The following KCNMB2 variants were observed in gnomAD, a reference collection of about 807,000 sequenced individuals.
KCNMB2 encodes potassium calcium-activated channel subfamily M regulatory beta subunit 2.
In KCNMB2, 9 loss-of-function variants were observed where a neutral mutation model predicts 24.5. That is an observed-to-expected ratio of 0.37 (90% confidence interval 0.22 to 0.64). KCNMB2 has a LOEUF of 0.64. Among genes scored for constraint, KCNMB2 ranks in the 30% least tolerant of loss-of-function variants. KCNMB2 has a pLI of 0.63. For missense variants in KCNMB2, 226 were observed against 284.3 expected, an observed-to-expected ratio of 0.79 and a Z score of 1.47; for synonymous variants, 109 against 104.4, an observed-to-expected ratio of 1.04 and a Z score of -0.27.
chr3:178,664,168 C>G (rs964643631), intron 1 of KCNMB2, among the ~76,000 whole-genome samples: 3 of 152,092 alleles, frequency 2.0e-5, no homozygotes, highest in African/African-American at 7.2e-5. Flanking sequence ...TACACTGGGA[C>G]CTGCAGGAAC....
intron 1 of KCNMB2, among the ~76,000 whole-genome samples, chr3:178,554,869 C>G (rs903190778): frequency 6.6e-6 from 1 of 152,212 alleles, no homozygotes; most frequent in African/African-American, 2.4e-5. Flanking sequence ...TTTGTAAGGA[C>G]ATGGGTCTCT....
intron 1 of KCNMB2, among the ~76,000 whole-genome samples, chr3:178,687,219 T>TA (rs974194533): frequency 1.3e-5 from 2 of 152,008 alleles, no homozygotes; most frequent in East Asian, 1.9e-4. Flanking sequence ...CAGTGCCATT[T>TA]AAAAAAAAGC....
At chr3:178,616,473 G>A (rs187347203) in intron 1 of KCNMB2, among the ~76,000 whole-genome samples, 2 of 152,122 alleles carry the variant, frequency 1.3e-5, no homozygotes, top group Non-Finnish European at 1.5e-5. Flanking sequence ...TCAATGCCTC[G>A]AAATTGCTGT....
At chr3:178,640,706 T>A (rs9835499) in intron 1 of KCNMB2, among the ~76,000 whole-genome samples, 119,677 of 152,156 alleles carry the variant, frequency 0.79, 47,934 homozygotes, top group African/African-American at 0.95. Context: ...TTTAATAAAG[T>A]TCAACTTATT....
rs372874820 is a variant in KCNMB2 at position 178,566,594 on chromosome 3, G to A, written c.-68+29883G>A. 1.8e-3 allele frequency among the ~76,000 whole-genome samples: 44 copies of A among 24,056 alleles called. No homozygotes were observed. The African/African-American group carries it at 0.022, about 12-fold the overall frequency. 15.8% of individuals were successfully genotyped at this position (24,056 alleles called of 152,430 possible). ...CATCCTGTCTCCTTCAAGAAAACCA[G>A]TTTCTCTGTTTTTTGTTTTGAACCC... On this transcript the variant is annotated intron_variant, in intron 1 of 4. Transcript: ENST00000452583.
chr3:178,632,621 T>A (rs539560536), intron 1 of KCNMB2, among the ~76,000 whole-genome samples: 3 of 152,244 alleles, frequency 2.0e-5, no homozygotes, highest in African/African-American at 7.2e-5. Flanking sequence ...CCATGACACA[T>A]GGGGATTACG....
chr3:178,759,303 A>C (rs1435370337), intron 1 of KCNMB2, among the ~76,000 whole-genome samples: 2 of 109,902 alleles, frequency 1.8e-5, no homozygotes, highest in South Asian at 2.8e-4. Context: ...AGACATATAT[A>C]TATCTCCAAG....
intron 1 of KCNMB2, among the ~76,000 whole-genome samples, chr3:178,702,400 G>A (rs1722133035): frequency 6.6e-6 from 1 of 151,332 alleles, no homozygotes; most frequent in African/African-American, 2.4e-5. Flanking sequence ...CCTGCATTTT[G>A]TGCACATGTA....
intron 1 of KCNMB2, among the ~76,000 whole-genome samples, chr3:178,595,647 G>A (rs1356056083): frequency 6.6e-6 from 1 of 152,042 alleles, no homozygotes; most frequent in Non-Finnish European, 1.5e-5. Context: ...CTGCTGCCAT[G>A]TGAAAAAGGA....
At chr3:178,578,370 C>T (rs534360363) in intron 1 of KCNMB2, among the ~76,000 whole-genome samples, 4 of 152,206 alleles carry the variant, frequency 2.6e-5, no homozygotes, top group South Asian at 2.1e-4. Context: ...CAAGAATTCC[C>T]GAAGGATGCA....
Position 178,807,454 on chromosome 3 carries a change from T to A in KCNMB2, c.45T>A (p.His15Gln). The change falls in exon 2 of 5, where the codon CAT becomes CAA. Residue 15 changes from histidine to glutamine, a missense_variant. Physicochemically the swap from His to Gln is conservative, Grantham distance 24. Coordinates refer to ENST00000452583, the MANE Select transcript of KCNMB2 (RefSeq NM_181361.3). Reference sequence around the variant, plus strand: ...GCCGGACCTCTTCATCTTATAGACATGATGAAAAAAGGTAAATGCACTGGG... The same window carrying A: ...GCCGGACCTCTTCATCTTATAGACAAGATGAAAAAAGGTAAATGCACTGGG... Reference protein sequence around the residue: ...TSGRTSSSYRHDEKRNIYQKI... With the variant: ...TSGRTSSSYRQDEKRNIYQKI... 1.2e-6 allele frequency: 2 copies of A among 1,613,472 alleles called. No homozygotes were observed. Among genetic ancestry groups the A allele is most frequent in the East Asian group, 2.2e-5 (1 of 44,862 alleles).
At chr3:178,798,231 T>C (rs1713632105) in intron 1 of KCNMB2, among the ~76,000 whole-genome samples, 1 of 152,184 alleles carries the variant, frequency 6.6e-6, no homozygotes, top group Non-Finnish European at 1.5e-5. Flanking sequence ...AGGGGAAGGC[T>C]TCCAGCTTTT....
chr3:178,747,321 A>G (rs1233492508), intron 1 of KCNMB2, among the ~76,000 whole-genome samples: 1 of 152,204 alleles, frequency 6.6e-6, no homozygotes, highest in African/African-American at 2.4e-5. Context: ...CATGGGAAAG[A>G]CATGCACCCA....
At chr3:178,675,833 A>G (rs1035619513) in intron 1 of KCNMB2, among the ~76,000 whole-genome samples, 4 of 152,268 alleles carry the variant, frequency 2.6e-5, no homozygotes, top group Admixed American at 6.5e-5. Flanking sequence ...AGACAGAGAG[A>G]AACATGCTTC....
intron 1 of KCNMB2, among the ~76,000 whole-genome samples, chr3:178,704,329 A>G (rs1286221150): frequency 6.6e-6 from 1 of 152,126 alleles, no homozygotes; most frequent in African/African-American, 2.4e-5. Context: ...TATTCTGGGT[A>G]TCACCCCTGC....
chr3:178,609,908 G>A (rs1423378385), intron 1 of KCNMB2, among the ~76,000 whole-genome samples: 1 of 152,152 alleles, frequency 6.6e-6, no homozygotes, highest in Non-Finnish European at 1.5e-5. Flanking sequence ...AAAGTGCTGG[G>A]ATTACAGGTG....
intron 1 of KCNMB2, among the ~76,000 whole-genome samples, chr3:178,758,416 A>ATATC (rs1724300866): frequency 8.6e-5 from 2 of 23,202 alleles, no homozygotes; most frequent in Non-Finnish European, 7.3e-5. Flanking sequence ...ATATATATAT[A>ATATC]TCCAAGAGGG....
chr3:178,822,414 T>C (rs558627669), intron 2 of KCNMB2, among the ~76,000 whole-genome samples: 5 of 152,346 alleles, frequency 3.3e-5, no homozygotes, highest in Non-Finnish European at 7.4e-5. Flanking sequence ...ACTCTGTGAA[T>C]TGCTCCATCA....
At chr3:178,620,535 C>T (rs983556194) in intron 1 of KCNMB2, among the ~76,000 whole-genome samples, 4 of 152,152 alleles carry the variant, frequency 2.6e-5, no homozygotes, top group Admixed American at 1.3e-4. Flanking sequence ...GGTTCATAGA[C>T]GGTACCTTCT....
Sources: allele counts gnomAD v4.1 joint callset (sites outside exome capture counted in the v4.1 genomes callset), GRCh38; gene constraint gnomAD v4.1.1; transcripts MANE v1.5; gene names NCBI Gene and HGNC (gene_info 2026-07-23, HGNC 2026-07-21).